NOTCH2: variants seen among roughly 807,000 people sequenced by gnomAD.
NOTCH2 encodes neurogenic locus notch homolog protein 2.
In NOTCH2, 29 loss-of-function variants were observed where a neutral mutation model predicts 235.8. That is an observed-to-expected ratio of 0.12 (90% CI 0.09 to 0.17). The LOEUF (loss-of-function observed/expected upper bound fraction) is 0.17, where lower values mean the gene tolerates loss of function less well. NOTCH2 is among the 10% of genes least tolerant of loss of function. The pLI, the probability that NOTCH2 is intolerant of heterozygous loss-of-function variation, is 1.00. For synonymous variants in NOTCH2, 1,086 were observed against 1,141.5 expected, an observed-to-expected ratio of 0.95 and a Z score of 0.98; for missense variants, 2,285 against 3,150.2, an observed-to-expected ratio of 0.73 and a Z score of 6.57.
intron 22 of NOTCH2, among the ~76,000 whole-genome samples, chr1:119,934,332 C>G (rs781954091): frequency 6.6e-6 from 1 of 152,266 alleles, no homozygotes; most frequent in South Asian, 2.1e-4. Context: ...AAATAAATTA[C>G]TTAGTCTCAG....
Position 120,035,462 on chromosome 1 carries a change from G to A in NOTCH2, c.74-5475C>T, listed in dbSNP as rs587756123. ...AGTATTACTCCCCACCACTTCCACT[G>A]CATTCTCTGCCCAGTTTATGCCCTC... is the stretch of plus-strand genomic sequence containing the variant. On this transcript the variant is annotated intron_variant, in intron 1 of 33. Transcript: ENST00000256646. Among the ~76,000 whole-genome samples the A allele has an allele frequency of 3.1e-4, 47 of 152,210 alleles. 1 individual carries two copies. The highest frequency in any genetic ancestry group is 1.9e-4 in the East Asian group (1 of 5,182).
At chr1:119,926,976 G>A (rs1649497654) in intron 23 of NOTCH2, among the ~76,000 whole-genome samples, 1 of 152,204 alleles carries the variant, frequency 6.6e-6, no homozygotes, top group South Asian at 2.1e-4. Flanking sequence ...ACTATTCACT[G>A]CATTTTGTTA....
At chr1:119,923,484 C>T (rs919681405) in intron 26 of NOTCH2, among the ~76,000 whole-genome samples, 153 bp downstream of exon 26, 3 of 152,196 alleles carry the variant, frequency 2.0e-5, no homozygotes, top group Non-Finnish European at 2.9e-5. Context: ...TACATTTAAA[C>T]GTAAGTACTG....
chr1:119,946,219 T>C (rs1300037551), intron 17 of NOTCH2, among the ~76,000 whole-genome samples: 5 of 152,032 alleles, frequency 3.3e-5, no homozygotes, highest in African/African-American at 1.2e-4. Flanking sequence ...GAAAGAAGGT[T>C]CCATGTCTAT....
chr1:119,924,124 C>G (rs1026681968), intron 25 of NOTCH2, 140 bp from the exon 26 acceptor site: 1 of 713,232 alleles, frequency 1.4e-6, no homozygotes, highest in Non-Finnish European at 2.5e-6. Context: ...CCCACAAAAC[C>G]TTCTTTGCAT....
rs767574095 is a variant in NOTCH2 at position 119,916,491 on chromosome 1, A to G, written c.6231T>C (p.Thr2077=). ...VTPSPPGTVL[T]SALSPVICGP... is the part of the protein sequence containing the mutation. ...CACAGATGACAGGTGAGAGAGCAGA[A>G]GTCAACACGGTGCCTGGAGGGCTTG... Residue 2077 remains threonine, a synonymous_variant, in exon 34 of 34, where the codon ACT becomes ACC. Coordinates refer to ENST00000256646, the MANE Select transcript of NOTCH2 (RefSeq NM_024408.4). 1.1e-5 allele frequency: 18 copies of G among 1,612,462 alleles called. 1 individual carries two copies. The South Asian group carries it at 1.9e-4, about 17-fold the overall frequency.
chr1:119,973,593 A>T (rs1261286918), intron 5 of NOTCH2, among the ~76,000 whole-genome samples: 1 of 152,186 alleles, frequency 6.6e-6, no homozygotes, highest in Non-Finnish European at 1.5e-5. Context: ...TGATCAACAC[A>T]ATCTACAGAT....
chr1:120,041,071 A>AAAAT lies in NOTCH2; in HGVS notation c.74-11085_74-11084insATTT, dbSNP rs1557859547. Among the ~76,000 whole-genome samples, 41 of 77,216 alleles carry AAAAT rather than the reference A, an allele frequency of 5.3e-4. 1 individual carries two copies. The highest frequency in any genetic ancestry group is 9.5e-4 in the South Asian group (2 of 2,108). The allele number at this position is 77,216 out of a possible 152,430, so 50.7% of individuals were successfully genotyped here. The stretch of plus-strand genomic sequence containing the variant: ...AAAAAAAAAAAAAAAAAAAAAAAAA[A>AAAAT]ATATATATATATATATATATTCCTG... On this transcript the variant is annotated intron_variant, in intron 1 of 33. Coordinates refer to ENST00000256646, the MANE Select transcript of NOTCH2 (RefSeq NM_024408.4).
intron 17 of NOTCH2, among the ~76,000 whole-genome samples, chr1:119,947,487 C>A (rs1463529998): frequency 6.6e-6 from 1 of 152,114 alleles, no homozygotes; most frequent in Non-Finnish European, 1.5e-5. Context: ...ACTAGAAGAG[C>A]TAAATTTAAA....
At chr1:120,039,009 T>A (rs1203809504) in intron 1 of NOTCH2, among the ~76,000 whole-genome samples, 1 of 151,588 alleles carries the variant, frequency 6.6e-6, no homozygotes, top group Non-Finnish European at 1.5e-5. Flanking sequence ...ATAAAAAAAT[T>A]CCAACTGAAT....
intron 1 of NOTCH2, among the ~76,000 whole-genome samples, chr1:120,045,947 G>C (rs1553213556): frequency 6.6e-6 from 1 of 152,244 alleles, no homozygotes; most frequent in Non-Finnish European, 1.5e-5. Context: ...CCATATTTAT[G>C]GGCTAAAAAA....
rs1203959372 is a variant in NOTCH2, at chr1:119,925,645, G to T, written c.4171C>A (p.Pro1391Thr). 2 of 1,612,930 alleles carry T rather than the reference G, an allele frequency of 1.2e-6. No homozygotes were observed. Among genetic ancestry groups the T allele is most frequent in the Admixed American group, 1.7e-5 (1 of 60,004 alleles). The change falls in exon 25 of 34, where the codon CCT (proline) becomes ACT (threonine). Residue 1391 changes from proline (P) to threonine (T), a missense_variant. Around this residue, in one of 6 missense-constraint regions of NOTCH2, gnomAD observed 1,173 missense variants for 1,515.3 expected, o/e 0.77. Coordinates refer to ENST00000256646, the MANE Select transcript of NOTCH2 (RefSeq NM_024408.4). ...SPCQHGGSCH[P>T]QRQPPYYSCQ... ...GAGTAATAAGGAGGCTGGCGCTGAG[G>T]GTGGCAGCTGCCCCCGTGCTGGCAG...
intron 16 of NOTCH2, 143 bp downstream of exon 16, chr1:119,948,864 G>T (rs1279516326): frequency 1.7e-6 from 2 of 1,153,396 alleles, no homozygotes; most frequent in African/African-American, 3.0e-5. Context: ...TCAAGTAGCA[G>T]CTCCTTTGCA....
intron 17 of NOTCH2, among the ~76,000 whole-genome samples, chr1:119,945,474 C>T (rs969994976): frequency 7.9e-5 from 12 of 152,074 alleles, no homozygotes; most frequent in African/African-American, 1.9e-4. Flanking sequence ...CCAATATACG[C>T]TCTCTACAAG....
At chr1:119,951,857 T>C (rs1007845062) in intron 14 of NOTCH2, among the ~76,000 whole-genome samples, 1 of 152,256 alleles carries the variant, frequency 6.6e-6, no homozygotes, top group Non-Finnish European at 1.5e-5. Context: ...ATTTGGGATT[T>C]TACCTTTTGA....
At chr1:119,940,440 T>C in intron 19 of NOTCH2, 115 bp downstream of exon 19, 1 of 919,450 alleles carries the variant, frequency 1.1e-6, no homozygotes, top group Non-Finnish European at 1.7e-6. Flanking sequence ...TCTCAGGGAA[T>C]CCCTGAGATC....
intron 1 of NOTCH2, among the ~76,000 whole-genome samples, chr1:120,062,998 G>GA (rs1655365920): frequency 2.0e-5 from 3 of 151,966 alleles, no homozygotes; most frequent in Middle Eastern, 3.4e-3. Context: ...AGAGACAGGA[G>GA]AAAAAACAGA....
intron 22 of NOTCH2, among the ~76,000 whole-genome samples, chr1:119,930,691 A>T (rs1173720221): frequency 6.6e-6 from 1 of 151,982 alleles, no homozygotes; most frequent in East Asian, 1.9e-4. Flanking sequence ...AGGCAGGAGA[A>T]TCACTTGAAA....
chr1:119,929,606 T>C (rs1315029997), intron 22 of NOTCH2, among the ~76,000 whole-genome samples: 8 of 152,262 alleles, frequency 5.3e-5, no homozygotes, highest in Non-Finnish European at 1.0e-4. Flanking sequence ...AATACAGTTA[T>C]GCAACCGCAT....
Sources: gnomAD v4.1 joint callset for allele counts (sites outside exome capture counted in the v4.1 genomes callset) on GRCh38, gnomAD v4.1.1 for gene constraint, gnomAD v4.1.1 regional missense constraint, MANE v1.5 for transcripts, NCBI Gene and HGNC (gene_info 2026-07-23, HGNC 2026-07-21) for gene names.